NEBL: variants seen among roughly 807,000 people sequenced by gnomAD.
NEBL encodes the protein nebulette.
A neutral mutation model predicts 140.2 loss-of-function variants in NEBL; 122 were observed. That is an observed-to-expected ratio of 0.87 (90% CI 0.75 to 1.01). The LOEUF (loss-of-function observed/expected upper bound fraction) is 1.01, where lower values mean the gene tolerates loss of function less well. NEBL is among the 50% of genes least tolerant of loss of function. NEBL has a pLI of 0.00. For missense variants in NEBL, 1,365 were observed against 1,231.3 expected (o/e 1.11, Z -1.62); for synonymous variants, 436 against 398.9 (o/e 1.09, Z -1.11).
intron 2 of NEBL, among the ~76,000 whole-genome samples, chr10:21,077,708 T>TA (rs1482610968): frequency 6.6e-6 from 1 of 152,204 alleles, no homozygotes; most frequent in Admixed American, 6.5e-5. Flanking sequence ...TGGTTCCTGA[T>TA]ATCTTTTTCC....
intron 2 of NEBL, among the ~76,000 whole-genome samples, chr10:21,094,023 A>G (rs1230500539): frequency 1.3e-5 from 2 of 152,168 alleles, no homozygotes; most frequent in East Asian, 3.9e-4. Context: ...ATTAAGCATC[A>G]CTACTCAACT....
At chr10:20,986,273 A>G (rs998496819) in intron 3 of NEBL, among the ~76,000 whole-genome samples, 1 of 152,234 alleles carries the variant, frequency 6.6e-6, no homozygotes, top group African/African-American at 2.4e-5. Context: ...CGCTGTTGCA[A>G]TAACTAGATT....
intron 1 of NEBL, among the ~76,000 whole-genome samples, chr10:21,269,994 T>C (rs1842843206): frequency 6.6e-6 from 1 of 152,236 alleles, no homozygotes; most frequent in African/African-American, 2.4e-5. Flanking sequence ...ATTGCTTCTG[T>C]GCATGAACTC....
chr10:21,224,323 T>C (rs571638059), intron 3 of NEBL, among the ~76,000 whole-genome samples: 19 of 152,358 alleles, frequency 1.2e-4, no homozygotes, highest in African/African-American at 4.6e-4. Context: ...AAGTTCACTG[T>C]AGATATATGA....
At chr10:21,241,559 T>G (rs553048045) in intron 3 of NEBL, among the ~76,000 whole-genome samples, 152 of 152,334 alleles carry the variant, frequency 1.0e-3, no homozygotes, top group African/African-American at 3.3e-3. Context: ...TCTTAGTGTA[T>G]ACTCTTCCAG....
chr10:20,817,415 G>A (rs1838830750), intron 21 of NEBL, among the ~76,000 whole-genome samples, 185 bp downstream of exon 21: 1 of 152,074 alleles, frequency 6.6e-6, no homozygotes. Context: ...TGGGAACCCT[G>A]AGGTGGGGAA....
intron 7 of NEBL, among the ~76,000 whole-genome samples, chr10:20,863,016 G>A (rs565550915): frequency 2.0e-5 from 3 of 151,988 alleles, no homozygotes; most frequent in African/African-American, 7.2e-5. Context: ...TACTGTATAG[G>A]TATATAGGAT....
At position 20,856,043 on chromosome 10, in the gene NEBL, A is replaced by T. The variant is rs376692887; in HGVS notation, c.903+2197T>A. Among the ~76,000 whole-genome samples, 5 of 152,326 alleles carry T rather than the reference A, an allele frequency of 3.3e-5. No individual in the cohort carries two copies. The East Asian group carries it at 7.7e-4, about 23-fold the overall frequency. On this transcript the variant is annotated intron_variant, in intron 9 of 27. Transcript: ENST00000377122. ...ACAATAAAGTTGAGCAAATGTATACAGCTTTATACAATGTACACAACTTTG... is the reference window on the plus strand; with the variant it reads ...ACAATAAAGTTGAGCAAATGTATACTGCTTTATACAATGTACACAACTTTG...
intron 2 of NEBL, among the ~76,000 whole-genome samples, chr10:21,167,523 C>G (rs1282014116): frequency 1.3e-5 from 2 of 152,172 alleles, no homozygotes; most frequent in East Asian, 1.9e-4. Context: ...TATAACTTGA[C>G]ATTTGGTGAG....
At chr10:21,251,998 G>C (rs907443012) in intron 1 of NEBL, among the ~76,000 whole-genome samples, 2 of 152,150 alleles carry the variant, frequency 1.3e-5, no homozygotes, top group African/African-American at 4.8e-5. Context: ...CAGGATGCCA[G>C]TCCAAGGAGG....
At chr10:20,839,620 T>C (rs142570624) in intron 13 of NEBL, among the ~76,000 whole-genome samples, 4 of 152,306 alleles carry the variant, frequency 2.6e-5, no homozygotes, top group African/African-American at 9.6e-5. Context: ...GAGATTAAGG[T>C]CATGTTTTAA....
intron 4 of NEBL, among the ~76,000 whole-genome samples, chr10:20,931,237 G>T: frequency 6.6e-6 from 1 of 152,024 alleles, no homozygotes; most frequent in Admixed American, 6.6e-5. Context: ...TAAACAGCTG[G>T]TAGATATTAA....
At chr10:21,060,325 A>AG (rs149300648) in intron 2 of NEBL, among the ~76,000 whole-genome samples, 2 of 152,100 alleles carry the variant, frequency 1.3e-5, no homozygotes, top group African/African-American at 4.8e-5. Flanking sequence ...AAAACAAAAG[A>AG]GGGGGTTTCA....
chr10:20,924,287 T>C (rs1833755256), intron 4 of NEBL, among the ~76,000 whole-genome samples: 1 of 151,926 alleles, frequency 6.6e-6, no homozygotes, highest in East Asian at 1.9e-4. Flanking sequence ...AAGCCCTGTG[T>C]CTTCTGAGAC....
chr10:21,180,734 G>C (rs1024339476), intron 3 of NEBL, among the ~76,000 whole-genome samples: 3 of 152,030 alleles, frequency 2.0e-5, no homozygotes, highest in African/African-American at 7.2e-5. Flanking sequence ...TCCAAAAAAA[G>C]CTCTTGAATC....
At chr10:20,825,494 T>C (rs1393215243) in intron 18 of NEBL, among the ~76,000 whole-genome samples, 1 of 151,762 alleles carries the variant, frequency 6.6e-6, no homozygotes, top group Non-Finnish European at 1.5e-5. Context: ...CCATCTCTAC[T>C]AAAAATAAAA....
intron 2 of NEBL, chr10:21,172,153 A>G (rs1401964436): frequency 1.8e-6 from 1 of 556,904 alleles, no homozygotes; most frequent in Non-Finnish European, 3.2e-6. Context: ...TGCGAACCTC[A>G]AAAACTAACC....
intron 3 of NEBL, among the ~76,000 whole-genome samples, chr10:21,226,911 G>A (rs1017181073): frequency 2.6e-5 from 4 of 151,994 alleles, no homozygotes; most frequent in African/African-American, 9.7e-5. Flanking sequence ...CCATGGAAAG[G>A]ACCATCACTG....
rs1371478048 is a variant in NEBL at position 20,781,578 on chromosome 10, G to A, written c.*4169C>T. ...TGATACTATGCAAACTGGATACCAT[G>A]TATCAAGCACAAAAAATCCTATGGC... is the stretch of plus-strand genomic sequence containing the variant. On this transcript the variant is annotated 3_prime_UTR_variant, in exon 28 of 28. Coordinates refer to ENST00000377122, the MANE Select transcript of NEBL (RefSeq NM_006393.3). The A allele has an allele frequency of 1.3e-5, 2 of 152,186 alleles. No homozygotes were observed. Among genetic ancestry groups the A allele is most frequent in the Non-Finnish European group, 2.9e-5 (2 of 68,026 alleles). 9.4% of individuals were successfully genotyped at this position (152,186 alleles called of 1,614,324 possible).
Sources: gnomAD v4.1 joint callset for allele counts (sites outside exome capture counted in the v4.1 genomes callset) on GRCh38, gnomAD v4.1.1 for gene constraint, MANE v1.5 for transcripts, NCBI Gene and HGNC (gene_info 2026-07-23, HGNC 2026-07-21) for gene names.